Variants in ADAMTS12 observed in about 807,000 individuals in gnomAD.
The protein encoded by ADAMTS12 is A disintegrin and metalloproteinase with thrombospondin motifs 12.
Under a neutral mutation model 167.8 loss-of-function variants are expected in ADAMTS12, and 118 were observed. That is an observed-to-expected ratio of 0.70 (90% confidence interval 0.61 to 0.82). The LOEUF (loss-of-function observed/expected upper bound fraction) is 0.82, where lower values mean the gene tolerates loss of function less well. Among genes scored for constraint, ADAMTS12 ranks in the 40% least tolerant of loss-of-function variants. The pLI is 0.00. For synonymous variants in ADAMTS12, 704 were observed against 716.9 expected, an observed-to-expected ratio of 0.98 and a Z score of 0.29; for missense variants, 1,916 against 1,998.8, an observed-to-expected ratio of 0.96 and a Z score of 0.79.
At chr5:33,580,028 T>C (rs1305815194) in intron 18 of ADAMTS12, among the ~76,000 whole-genome samples, 1 of 152,220 alleles carries the variant, frequency 6.6e-6, no homozygotes, top group Non-Finnish European at 1.5e-5. Context: ...ACTGGTTTAC[T>C]GCTGGATGTT....
chr5:33,797,839 AT>A (rs1202724239), intron 2 of ADAMTS12, among the ~76,000 whole-genome samples: 1 of 152,218 alleles, frequency 6.6e-6, no homozygotes, highest in Non-Finnish European at 1.5e-5. Context: ...AACTCCACAA[AT>A]ATGCTACACA....
Position 33,576,650 on chromosome 5 carries a change from C to G in ADAMTS12, c.3376G>C (p.Gly1126Arg). ...TTGCGGGAAGATGACAAGCCAGAACCACTTGTTGTTGTAGCTACAAGGCCT... is the reference window on the plus strand; with the variant it reads ...TTGCGGGAAGATGACAAGCCAGAACGACTTGTTGTTGTAGCTACAAGGCCT... ...EGGLVATTTSGSGLSSSRNPI... is the reference protein window; with the variant it reads ...EGGLVATTTSRSGLSSSRNPI... The change falls in exon 19 of 24, where the codon GGT becomes CGT. Residue 1126 changes from glycine (G) to arginine (R), a missense_variant. By Grantham distance (125) the Gly-to-Arg change is moderately radical. Coordinates refer to ENST00000504830, the MANE Select transcript of ADAMTS12 (RefSeq NM_030955.4). The G allele has an allele frequency of 6.2e-7, 1 of 1,614,202 alleles. No individual in the cohort carries two copies. Among genetic ancestry groups the G allele is most frequent in the Non-Finnish European group, 8.5e-7 (1 of 1,180,038 alleles).
At chr5:33,816,162 C>T (rs1022741195) in intron 2 of ADAMTS12, among the ~76,000 whole-genome samples, 12 of 146,592 alleles carry the variant, frequency 8.2e-5, no homozygotes, top group African/African-American at 3.1e-4. Flanking sequence ...ATTTTCCTCA[C>T]CTTCAGGATT....
chr5:33,690,191 C>T (rs994657547), intron 3 of ADAMTS12, among the ~76,000 whole-genome samples: 1 of 152,220 alleles, frequency 6.6e-6, no homozygotes, highest in Non-Finnish European at 1.5e-5. Context: ...GCCCATCTCT[C>T]CAGGCCAGCT....
intron 18 of ADAMTS12, among the ~76,000 whole-genome samples, chr5:33,586,282 T>C (rs1323699558): frequency 2.0e-5 from 3 of 152,178 alleles, no homozygotes; most frequent in African/African-American, 7.2e-5. Context: ...CAAAGTTCAT[T>C]AGGAGGTTAT....
Position 33,719,654 on chromosome 5 carries a change from C to T in ADAMTS12, c.634+31750G>A, listed in dbSNP as rs557072229. On this transcript the variant is annotated intron_variant, in intron 3 of 23. Transcript: ENST00000504830. Reference sequence around the variant, plus strand: ...TCATCCTGCCAAGTGGCATTTAAACCCTGTAAGCCTAATGTTTTATCCATA... The same window carrying T: ...TCATCCTGCCAAGTGGCATTTAAACTCTGTAAGCCTAATGTTTTATCCATA... Among the ~76,000 whole-genome samples the T allele has an allele frequency of 1.2e-4, 18 of 152,278 alleles. 1 individual carries two copies. The South Asian group carries it at 3.7e-3, about 32-fold the overall frequency.
At position 33,881,170 on chromosome 5, in the gene ADAMTS12, TAGAA is replaced by T; in HGVS notation, c.434_437del (p.Val145AspfsTer18). ...CCGTCCCAACTCTGGTGCCCTGCTG[TAGAA>T]CCGTGCCACTGAGATGGCAGAGGGG... is the stretch of plus-strand genomic sequence containing the variant. On this transcript the variant is annotated frameshift_variant, in exon 2 of 24. Transcript: ENST00000504830. LOFTEE classifies it high-confidence loss of function. The T allele has an allele frequency of 6.2e-7, 1 of 1,614,056 alleles. No individual in the cohort carries two copies. The highest frequency in any genetic ancestry group is 8.5e-7 in the Non-Finnish European group (1 of 1,180,022).
intron 7 of ADAMTS12, among the ~76,000 whole-genome samples, chr5:33,652,596 A>T (rs575525713): frequency 6.6e-6 from 1 of 152,072 alleles, no homozygotes; most frequent in Admixed American, 6.6e-5. Context: ...TACTCCACTG[A>T]TTATTTCTTT....
chr5:33,759,479 CA>C (rs1745274744), intron 2 of ADAMTS12, among the ~76,000 whole-genome samples: 1 of 152,104 alleles, frequency 6.6e-6, no homozygotes. Flanking sequence ...ATGACCATGA[CA>C]AAATGGTTTT....
intron 1 of ADAMTS12, among the ~76,000 whole-genome samples, chr5:33,883,316 G>T (rs1429559107): frequency 9.0e-4 from 113 of 125,772 alleles, no homozygotes; most frequent in African/African-American, 2.4e-3. Flanking sequence ...TGTTTGTTTG[G>T]TTTTTTTTTT....
intron 13 of ADAMTS12, 66 bp from the exon 14 acceptor site, chr5:33,624,417 ACTT>A (rs1461722632): frequency 1.1e-5 from 18 of 1,602,002 alleles, no homozygotes; most frequent in Admixed American, 1.7e-5. Flanking sequence ...TGGATCTGTG[ACTT>A]CTTCTTTCCC....
intron 2 of ADAMTS12, among the ~76,000 whole-genome samples, chr5:33,790,945 C>T (rs1286136304): frequency 6.6e-6 from 1 of 152,048 alleles, no homozygotes; most frequent in Non-Finnish European, 1.5e-5. Context: ...CTGGTTCTTG[C>T]ACATTTAGTG....
chr5:33,727,816 C>T lies in ADAMTS12; in HGVS notation c.634+23588G>A, dbSNP rs150932482. On this transcript the variant is annotated intron_variant, in intron 3 of 23. Transcript: ENST00000504830. ...CTCTGGTGCTTCATCCCACTAATTCCGTTCCTGGTATTTATCGGTTTGCCT... is the reference window on the plus strand; with the variant it reads ...CTCTGGTGCTTCATCCCACTAATTCTGTTCCTGGTATTTATCGGTTTGCCT... Among the ~76,000 whole-genome samples, 221 of 152,284 alleles carry T rather than the reference C, an allele frequency of 1.5e-3. 2 individuals carry two copies. Among genetic ancestry groups the T allele is most frequent in the African/African-American group, 5.0e-3 (206 of 41,570 alleles).
chr5:33,535,171 C>T lies in ADAMTS12; in HGVS notation c.4447-179G>A, dbSNP rs1407295936. 2.0e-5 allele frequency among the ~76,000 whole-genome samples: 3 copies of T among 152,248 alleles called. No individual in the cohort carries two copies. In the East Asian group the frequency reaches 5.8e-4, roughly 29 times the overall value. On this transcript the variant is annotated intron_variant, in intron 22 of 23. Coordinates refer to ENST00000504830, the MANE Select transcript of ADAMTS12 (RefSeq NM_030955.4). ...ATTTGGAGATGTGAGTTTAGAGAGACTCTATACTATAGGTTGTGTGGATTG... is the reference window on the plus strand; with the variant it reads ...ATTTGGAGATGTGAGTTTAGAGAGATTCTATACTATAGGTTGTGTGGATTG...
intron 5 of ADAMTS12, among the ~76,000 whole-genome samples, chr5:33,677,106 C>A (rs950787012): frequency 6.6e-6 from 1 of 152,192 alleles, no homozygotes; most frequent in African/African-American, 2.4e-5. Flanking sequence ...AAGTCTCCAA[C>A]ATCATATGAC....
intron 3 of ADAMTS12, among the ~76,000 whole-genome samples, chr5:33,698,558 A>G (rs900833566): frequency 3.3e-5 from 5 of 152,232 alleles, no homozygotes; most frequent in Admixed American, 3.3e-4. Flanking sequence ...CAGCTCACAG[A>G]GCTAGTGCCT....
At chr5:33,848,831 G>T (rs184694003) in intron 2 of ADAMTS12, among the ~76,000 whole-genome samples, 1 of 152,146 alleles carries the variant, frequency 6.6e-6, no homozygotes, top group African/African-American at 2.4e-5. Context: ...AATCTAGAAC[G>T]TAGATTATTA....
At position 33,579,613 on chromosome 5, in the gene ADAMTS12, A is replaced by G. The variant is rs115925846; in HGVS notation, c.2866-2453T>C. ...CACCTCCCCATTGAACTATGAAGTC[A>G]AAAAACTATAAAACCTCTGAGAAAT... On this transcript the variant is annotated intron_variant, in intron 18 of 23. Coordinates refer to ENST00000504830, the MANE Select transcript of ADAMTS12 (RefSeq NM_030955.4). Among the ~76,000 whole-genome samples the G allele has an allele frequency of 5.8e-3, 887 of 152,356 alleles. 6 individuals carry two copies. Among genetic ancestry groups the G allele is most frequent in the African/African-American group, 0.021 (854 of 41,586 alleles).
chr5:33,837,959 TA>T (rs1162998638), intron 2 of ADAMTS12, among the ~76,000 whole-genome samples: 1 of 152,218 alleles, frequency 6.6e-6, no homozygotes, highest in Non-Finnish European at 1.5e-5. Context: ...CTAAGCCCAG[TA>T]AAACATCACA....
Sources: allele counts gnomAD v4.1 joint callset (sites outside exome capture counted in the v4.1 genomes callset), GRCh38; gene constraint gnomAD v4.1.1; transcripts MANE v1.5; gene names NCBI Gene and HGNC (gene_info 2026-07-23, HGNC 2026-07-21).